Variants in ARHGEF28 observed in about 807,000 individuals in gnomAD.
ARHGEF28 encodes 190 kDa guanine nucleotide exchange factor.
A neutral mutation model predicts 206.6 loss-of-function variants in ARHGEF28; 152 were observed. That is an observed-to-expected ratio of 0.74 (90% CI 0.64 to 0.84). The LOEUF (loss-of-function observed/expected upper bound fraction) is 0.84. Ranked by LOEUF, ARHGEF28 falls within the 40% of genes least tolerant of loss-of-function variation. ARHGEF28 has a pLI of 0.00. For synonymous variants in ARHGEF28, 763 were observed against 776.4 expected (o/e 0.98, Z 0.29); for missense variants, 2,028 against 2,073.2 (o/e 0.98, Z 0.42).
chr5:73,664,363 A>G (rs556163149), intron 1 of ARHGEF28, among the ~76,000 whole-genome samples: 3 of 152,216 alleles, frequency 2.0e-5, no homozygotes, highest in South Asian at 4.2e-4. Context: ...CTAACATAGC[A>G]ATGGAGTTGG....
chr5:73,857,299 G>A (rs1759107244), intron 14 of ARHGEF28, among the ~76,000 whole-genome samples: 1 of 152,132 alleles, frequency 6.6e-6, no homozygotes, highest in Admixed American at 6.5e-5. Context: ...AGGAAGTTGA[G>A]TGTTTTCAGG....
At chr5:73,765,665 A>G (rs1752853735) in intron 4 of ARHGEF28, among the ~76,000 whole-genome samples, 1 of 152,250 alleles carries the variant, frequency 6.6e-6, no homozygotes, top group South Asian at 2.1e-4. Flanking sequence ...TCTCAAGGGC[A>G]GGGACCACCA....
intron 4 of ARHGEF28, among the ~76,000 whole-genome samples, chr5:73,759,418 C>T (rs760173634): frequency 6.6e-6 from 1 of 152,082 alleles, no homozygotes; most frequent in Admixed American, 6.5e-5. Flanking sequence ...GGAGAAGGGT[C>T]GTTAGTATAA....
chr5:73,664,822 G>A (rs1346408755), intron 1 of ARHGEF28, among the ~76,000 whole-genome samples: 1 of 152,112 alleles, frequency 6.6e-6, no homozygotes, highest in Non-Finnish European at 1.5e-5. Flanking sequence ...TCTTTCTGAA[G>A]CTCCAGAACT....
At chr5:73,741,926 C>T (rs897946805) in intron 2 of ARHGEF28, among the ~76,000 whole-genome samples, 5 of 151,956 alleles carry the variant, frequency 3.3e-5, no homozygotes, top group African/African-American at 1.2e-4. Context: ...TAAAGTTTCC[C>T]ACTGTGATTG....
chr5:73,838,896 A>T (rs1757820095), intron 10 of ARHGEF28, among the ~76,000 whole-genome samples: 1 of 152,084 alleles, frequency 6.6e-6, no homozygotes. Context: ...GCAAAAGAAA[A>T]TTCCATTACA....
At chr5:73,785,179 G>C (rs1410997995) in intron 7 of ARHGEF28, among the ~76,000 whole-genome samples, 1 of 152,162 alleles carries the variant, frequency 6.6e-6, no homozygotes, top group Non-Finnish European at 1.5e-5. Context: ...GATGGCAGGG[G>C]CTACTGTATA....
chr5:73,860,952 T>C (rs1759360394), intron 16 of ARHGEF28, among the ~76,000 whole-genome samples: 1 of 152,194 alleles, frequency 6.6e-6, no homozygotes, highest in African/African-American at 2.4e-5. Context: ...CCTGTGATCA[T>C]CTCCTTCCTC....
chr5:73,643,296 A>G (rs899679419), intron 1 of ARHGEF28, among the ~76,000 whole-genome samples: 2 of 152,236 alleles, frequency 1.3e-5, no homozygotes, highest in African/African-American at 4.8e-5. Flanking sequence ...TTTTAGTTTC[A>G]TAAGTGAACA....
chr5:73,893,666 A>C (rs1006198038), intron 28 of ARHGEF28, among the ~76,000 whole-genome samples: 3 of 152,228 alleles, frequency 2.0e-5, no homozygotes, highest in Admixed American at 1.3e-4. Flanking sequence ...GTGTGAAAGA[A>C]GGAGATTAGA....
chr5:73,773,184 C>T (rs7712515), intron 4 of ARHGEF28, among the ~76,000 whole-genome samples: 90,548 of 152,032 alleles, frequency 0.6, 28,997 homozygotes, highest in Non-Finnish European at 0.71. Flanking sequence ...CAACAGAGAG[C>T]GGCAAACACC....
At chr5:73,794,345 T>TTGC in intron 7 of ARHGEF28, 57 bp from the exon 8 acceptor site, 4 of 1,431,888 alleles carry the variant, frequency 2.8e-6, no homozygotes, top group South Asian at 2.5e-5. Flanking sequence ...CTAGTAGTTG[T>TTGC]TGTTCTTCTT....
intron 1 of ARHGEF28, among the ~76,000 whole-genome samples, chr5:73,660,875 A>G (rs1405417316): frequency 6.6e-6 from 1 of 152,170 alleles, no homozygotes; most frequent in Non-Finnish European, 1.5e-5. Context: ...CTGTTTATAG[A>G]GCACAAGCAG....
intron 20 of ARHGEF28, 67 bp from the exon 21 acceptor site, chr5:73,870,002 A>G: frequency 1.3e-6 from 2 of 1,544,764 alleles, no homozygotes. Flanking sequence ...TCCATAGACA[A>G]ATATACGAAG....
At chr5:73,745,308 G>A (rs1364237303) in intron 2 of ARHGEF28, among the ~76,000 whole-genome samples, 3 of 151,980 alleles carry the variant, frequency 2.0e-5, no homozygotes, top group African/African-American at 7.2e-5. Context: ...AGGTATTAGA[G>A]ACATAGATTA....
intron 25 of ARHGEF28, 93 bp downstream of exon 25, chr5:73,886,197 C>A: frequency 6.9e-7 from 1 of 1,457,496 alleles, no homozygotes; most frequent in Non-Finnish European, 9.2e-7. Flanking sequence ...TTCAGAATTG[C>A]AGGCACACAT....
intron 2 of ARHGEF28, among the ~76,000 whole-genome samples, chr5:73,712,171 C>T (rs1026309805): frequency 6.6e-6 from 1 of 151,978 alleles, no homozygotes; most frequent in Non-Finnish European, 1.5e-5. Context: ...TAATGTATTG[C>T]TGGATTTAAT....
chr5:73,647,855 C>T (rs1377666462), intron 1 of ARHGEF28, among the ~76,000 whole-genome samples: 1 of 152,210 alleles, frequency 6.6e-6, no homozygotes, highest in African/African-American at 2.4e-5. Context: ...TGATGTTGCC[C>T]AGGACATGTG....
intron 31 of ARHGEF28, chr5:73,903,830 C>T: frequency 4.8e-6 from 1 of 208,696 alleles, no homozygotes. Context: ...TCAATCTGTC[C>T]TCTAGAATAT....
Sources: gnomAD v4.1 joint callset for allele counts (sites outside exome capture counted in the v4.1 genomes callset) on GRCh38, gnomAD v4.1.1 for gene constraint, MANE v1.5 for transcripts, NCBI Gene and HGNC (gene_info 2026-07-23, HGNC 2026-07-21) for gene names.